The following FANCC variants were observed in gnomAD, a reference collection of about 807,000 sequenced individuals.
FANCC encodes the protein Fanconi anemia group C protein.
In FANCC, 55 loss-of-function variants were observed where a neutral mutation model predicts 71.3. That is an observed-to-expected ratio of 0.77 (90% CI 0.62 to 0.97). FANCC has a LOEUF of 0.97. FANCC is among the 50% of genes least tolerant of loss of function. The pLI, the probability that FANCC is intolerant of heterozygous loss-of-function variation, is 0.00. For synonymous variants in FANCC, 275 were observed against 244.9 expected (o/e 1.12, Z -1.15); for missense variants, 678 against 670.9 (o/e 1.01, Z -0.12).
intron 7 of FANCC, among the ~76,000 whole-genome samples, chr9:95,139,766 G>T (rs1427051069): frequency 6.7e-6 from 1 of 149,390 alleles, no homozygotes; most frequent in Non-Finnish European, 1.5e-5. Flanking sequence ...GGAGGAGGAG[G>T]TAATGAACAT....
At chr9:95,182,550 C>CTTAT (rs1024738303) in intron 4 of FANCC, among the ~76,000 whole-genome samples, 37 of 152,048 alleles carry the variant, frequency 2.4e-4, no homozygotes, top group African/African-American at 8.9e-4. Flanking sequence ...ATAGGGATCC[C>CTTAT]TTATTTATTC....
At chr9:95,217,228 G>A (rs1194133297) in intron 4 of FANCC, among the ~76,000 whole-genome samples, 4 of 152,192 alleles carry the variant, frequency 2.6e-5, no homozygotes, top group Non-Finnish European at 5.9e-5. Flanking sequence ...GCTCACACCT[G>A]TAATCCCAGC....
intron 4 of FANCC, among the ~76,000 whole-genome samples, chr9:95,184,091 C>T (rs888062206): frequency 6.6e-6 from 1 of 151,648 alleles, no homozygotes; most frequent in Non-Finnish European, 1.5e-5. Context: ...TACTTGTGCC[C>T]GAATGCTGAA....
At chr9:95,156,707 T>C (rs1264290808) in intron 6 of FANCC, among the ~76,000 whole-genome samples, 2 of 152,170 alleles carry the variant, frequency 1.3e-5, no homozygotes, top group Non-Finnish European at 2.9e-5. Flanking sequence ...CAGTGAATTA[T>C]AAATTCTGCC....
chr9:95,123,437 T>G (rs1825410615), intron 10 of FANCC: 1 of 458,654 alleles, frequency 2.2e-6, no homozygotes, highest in Non-Finnish European at 4.4e-6. Flanking sequence ...CCTCAGAGGT[T>G]GAGACCAGCC....
chr9:95,121,122 G>A (rs2072845181), intron 10 of FANCC, among the ~76,000 whole-genome samples: 1 of 152,124 alleles, frequency 6.6e-6, no homozygotes, highest in South Asian at 2.1e-4. Flanking sequence ...ACTTTGCCTG[G>A]AGTTTATCAT....
intron 4 of FANCC, among the ~76,000 whole-genome samples, chr9:95,220,066 T>A (rs570339674): frequency 6.6e-5 from 10 of 152,220 alleles, no homozygotes; most frequent in Admixed American, 2.0e-4. Flanking sequence ...AGGATATGAA[T>A]AGACACTTCT....
At chr9:95,247,325 TTC>T (rs1831048000) in intron 3 of FANCC, 105 bp downstream of exon 3, 6 of 811,450 alleles carry the variant, frequency 7.4e-6, no homozygotes, top group Non-Finnish European at 1.3e-5. Context: ...TGATAAGTTG[TTC>T]CATTAAAAAA....
In FANCC at chr9:95,198,734, T is replaced by G. The variant is rs75684496; in HGVS notation, c.346-26587A>C. 4.7e-3 allele frequency among the ~76,000 whole-genome samples: 712 copies of G among 152,194 alleles called. 5 individuals carry two copies. Among genetic ancestry groups the G allele is most frequent in the African/African-American group, 0.013 (529 of 41,514 alleles). ...GTACATTATCTTATTAAAATTTTTT[T>G]TGTGTGTGTGGGGGAGGGGAGACAG... On this transcript the variant is annotated intron_variant, in intron 4 of 14. Coordinates refer to ENST00000289081, the MANE Select transcript of FANCC (RefSeq NM_000136.3).
intron 1 of FANCC, chr9:95,292,661 C>T (rs780913794): frequency 8.7e-5 from 120 of 1,380,308 alleles, no homozygotes; most frequent in South Asian, 2.0e-4. Flanking sequence ...TCAAGAGCCA[C>T]CGCATGCAGT....
chr9:95,277,990 CTT>C (rs1429152005), intron 1 of FANCC, among the ~76,000 whole-genome samples: 2 of 152,148 alleles, frequency 1.3e-5, no homozygotes, highest in Admixed American at 6.5e-5. Context: ...TTTTTTCTCT[CTT>C]ATTCTCATAA....
chr9:95,106,803 A>G (rs1455418864), intron 14 of FANCC, among the ~76,000 whole-genome samples: 1 of 152,220 alleles, frequency 6.6e-6, no homozygotes, highest in Non-Finnish European at 1.5e-5. Context: ...CCTGGCTTCT[A>G]CCGCAGGCTT....
chr9:95,282,628 T>C (rs1315087710), intron 1 of FANCC, among the ~76,000 whole-genome samples: 1 of 152,210 alleles, frequency 6.6e-6, no homozygotes, highest in Non-Finnish European at 1.5e-5. Context: ...AGGTACAGAA[T>C]ACACATTCTT....
intron 4 of FANCC, among the ~76,000 whole-genome samples, chr9:95,203,684 AC>A (rs1827942645): frequency 6.6e-6 from 1 of 152,170 alleles, no homozygotes; most frequent in Non-Finnish European, 1.5e-5. Context: ...TGAGATAATA[AC>A]CCTTTACATG....
intron 1 of FANCC, among the ~76,000 whole-genome samples, chr9:95,302,026 G>A (rs1442812138): frequency 7.0e-6 from 1 of 141,912 alleles, no homozygotes; most frequent in Non-Finnish European, 1.5e-5. Context: ...AGTTTGCAGT[G>A]AGCAGAGATG....
At chr9:95,107,020 T>C (rs2074642908) in intron 14 of FANCC, 46 bp downstream of exon 14, 2 of 1,601,056 alleles carry the variant, frequency 1.2e-6, no homozygotes, top group Non-Finnish European at 8.6e-7. Flanking sequence ...ACCTCTCGCC[T>C]GGAGCAGAAA....
intron 1 of FANCC, among the ~76,000 whole-genome samples, chr9:95,266,055 G>T (rs956648834): frequency 7.2e-5 from 11 of 152,178 alleles, no homozygotes; most frequent in African/African-American, 2.7e-4. Flanking sequence ...GTGAGCTAAA[G>T]ACATCAAAAT....
intron 1 of FANCC, among the ~76,000 whole-genome samples, chr9:95,269,148 C>T (rs940670144): frequency 1.1e-4 from 16 of 152,100 alleles, no homozygotes; most frequent in Admixed American, 9.8e-4. Context: ...CTTTAATTAC[C>T]ACAGTAAAAT....
chr9:95,244,347 C>G (rs934214519), intron 3 of FANCC, among the ~76,000 whole-genome samples: 1 of 152,172 alleles, frequency 6.6e-6, no homozygotes, highest in African/African-American at 2.4e-5. Flanking sequence ...TGGGCAGAGA[C>G]AGTGAGCCGC....
Sources: allele counts gnomAD v4.1 joint callset (sites outside exome capture counted in the v4.1 genomes callset), GRCh38; gene constraint gnomAD v4.1.1; transcripts MANE v1.5; gene names NCBI Gene and HGNC (gene_info 2026-07-23, HGNC 2026-07-21).